ENTREP2: variants seen among roughly 807,000 people sequenced by gnomAD.
ENTREP2 encodes protein ENTREP2.
the ENTREP2 span, chr15:29,123,004 C>A: frequency 4.5e-6 from 1 of 222,144 alleles, no homozygotes; most frequent in Admixed American, 5.4e-5. Flanking sequence ...ACGTAAGTGT[C>A]GCCTGTTGCT....
chr15:29,572,424 A>G, the ENTREP2 span, among the ~76,000 whole-genome samples: 2 of 152,142 alleles, frequency 1.3e-5, no homozygotes, highest in Non-Finnish European at 2.9e-5. Context: ...ACAAGGCATG[A>G]CCCTGGACTG....
the ENTREP2 span, among the ~76,000 whole-genome samples, chr15:29,477,693 C>T: frequency 1.6e-4 from 24 of 152,004 alleles, no homozygotes; most frequent in African/African-American, 5.3e-4. Context: ...CAGACATGGC[C>T]GGGGAAAATG....
At chr15:29,185,079 C>CA in the ENTREP2 span, among the ~76,000 whole-genome samples, 2,368 of 107,900 alleles carry the variant, frequency 0.022, 20 homozygotes, top group African/African-American at 0.036. Context: ...GACTCTGTCT[C>CA]AAAAAAAAAA....
At chr15:29,368,891 T>G in the ENTREP2 span, among the ~76,000 whole-genome samples, 68,497 of 151,386 alleles carry the variant, frequency 0.45, 19,785 homozygotes, top group African/African-American at 0.83. Context: ...AAAAAAAAAA[T>G]AACCAAATAG....
the ENTREP2 span, among the ~76,000 whole-genome samples, chr15:29,526,189 C>T: frequency 6.6e-6 from 1 of 152,136 alleles, no homozygotes; most frequent in Admixed American, 6.5e-5. Context: ...AAAAGCTTTT[C>T]TGTAGAGTGA....
At chr15:29,339,953 G>C in the ENTREP2 span, among the ~76,000 whole-genome samples, 1 of 152,174 alleles carries the variant, frequency 6.6e-6, no homozygotes, top group Admixed American at 6.5e-5. Context: ...GCCATACAAG[G>C]TTCTTATTTC....
At chr15:29,414,713 G>T in the ENTREP2 span, among the ~76,000 whole-genome samples, 3 of 152,232 alleles carry the variant, frequency 2.0e-5, no homozygotes, top group East Asian at 5.8e-4. Context: ...TCCAGGAGCT[G>T]GTTTTCTGAA....
chr15:29,522,853 T>C, the ENTREP2 span, among the ~76,000 whole-genome samples: 5 of 152,084 alleles, frequency 3.3e-5, no homozygotes, highest in Non-Finnish European at 7.4e-5. Context: ...CTGAAAACAG[T>C]TGAAGGTGAT....
At chr15:29,674,720 AG>A in the ENTREP2 span, among the ~76,000 whole-genome samples, 2 of 106,482 alleles carry the variant, frequency 1.9e-5, no homozygotes, top group Non-Finnish European at 3.9e-5. Context: ...GGCGGAGGGA[AG>A]GAGGGGGTGT....
At chr15:29,212,376 TTGGTTAATCTTGCTAA>T in the ENTREP2 span, among the ~76,000 whole-genome samples, 2 of 152,206 alleles carry the variant, frequency 1.3e-5, no homozygotes, top group African/African-American at 4.8e-5. Context: ...TCTTGTTTTC[TTGGTTAATCTTGCTAA>T]TGGTCTATCA....
At chr15:29,552,758 TAGAA>T in the ENTREP2 span, among the ~76,000 whole-genome samples, 1 of 152,106 alleles carries the variant, frequency 6.6e-6, no homozygotes, top group African/African-American at 2.4e-5. Flanking sequence ...TTTAAATTAT[TAGAA>T]AGAATTAGAA....
chr15:29,636,297 G>T, the ENTREP2 span, among the ~76,000 whole-genome samples: 1 of 152,212 alleles, frequency 6.6e-6, no homozygotes, highest in Admixed American at 6.5e-5. Flanking sequence ...CCAATGGAAC[G>T]TTAGCAGTTG....
chr15:29,517,430 T>C, the ENTREP2 span, among the ~76,000 whole-genome samples: 1 of 152,110 alleles, frequency 6.6e-6, no homozygotes, highest in Non-Finnish European at 1.5e-5. Context: ...GCTGTCTGGG[T>C]CCCAAATGTT....
chr15:29,567,994 T>C, the ENTREP2 span, among the ~76,000 whole-genome samples: 1 of 152,164 alleles, frequency 6.6e-6, no homozygotes, highest in Non-Finnish European at 1.5e-5. Context: ...CGAACAACCT[T>C]GGCAAGGCAG....
the ENTREP2 span, among the ~76,000 whole-genome samples, chr15:29,461,057 C>A: frequency 2.0e-5 from 3 of 151,420 alleles, no homozygotes; most frequent in Non-Finnish European, 4.4e-5. Flanking sequence ...ACAATAACTA[C>A]GGCATCAACA....
the ENTREP2 span, among the ~76,000 whole-genome samples, chr15:29,626,949 AT>A: frequency 6.6e-6 from 1 of 152,110 alleles, no homozygotes; most frequent in Non-Finnish European, 1.5e-5. Context: ...TAATTTTGTC[AT>A]TTTTACTGAT....
At chr15:29,574,923 C>A in the ENTREP2 span, among the ~76,000 whole-genome samples, 2 of 152,066 alleles carry the variant, frequency 1.3e-5, no homozygotes, top group Non-Finnish European at 1.5e-5. Context: ...ACTTAGAAAC[C>A]AGGGGGACTT....
At chr15:29,300,369 G>T in the ENTREP2 span, among the ~76,000 whole-genome samples, 1 of 140,542 alleles carries the variant, frequency 7.1e-6, no homozygotes, top group Non-Finnish European at 1.5e-5. Context: ...GTAAATGCAT[G>T]GATGGATGGA....
At chr15:29,556,657 C>G in the ENTREP2 span, among the ~76,000 whole-genome samples, 1 of 152,182 alleles carries the variant, frequency 6.6e-6, no homozygotes, top group Non-Finnish European at 1.5e-5. Flanking sequence ...ACATTTCTGT[C>G]TCTCCTGCCT....
Sources: allele counts gnomAD v4.1 joint callset (sites outside exome capture counted in the v4.1 genomes callset), GRCh38; gene constraint gnomAD v4.1.1; transcripts MANE v1.5; gene names NCBI Gene and HGNC (gene_info 2026-07-23, HGNC 2026-07-21).